Variants in FARP2 observed in about 807,000 individuals in gnomAD.
FARP2 encodes the protein FERM, ARHGEF and pleckstrin domain-containing protein 2.
A neutral mutation model predicts 130.5 loss-of-function variants in FARP2; 111 were observed. That is an observed-to-expected ratio of 0.85 (90% CI 0.73 to 1.00). FARP2 has a LOEUF of 1.00. Ranked by LOEUF, FARP2 falls within the 50% of genes least tolerant of loss-of-function variation. The probability of loss-of-function intolerance (pLI) is 0.00; values close to 1 mark genes in which losing one functional copy is unlikely to be tolerated. For synonymous variants in FARP2, 504 were observed against 516.9 expected (o/e 0.98, Z 0.34); for missense variants, 1,385 against 1,346.3 (o/e 1.03, Z -0.45).
chr2:241,411,151 G>A (rs1335226387), intron 6 of FARP2, 21 bp downstream of exon 6: 16 of 1,554,356 alleles, frequency 1.0e-5, no homozygotes, highest in South Asian at 4.5e-5. Flanking sequence ...CCCCGCCAGC[G>A]GGGAGCATTC....
intron 13 of FARP2, among the ~76,000 whole-genome samples, chr2:241,448,821 ACCAAGCCGTGGT>A (rs767368404): frequency 2.1e-4 from 32 of 152,242 alleles, no homozygotes; most frequent in Non-Finnish European, 3.7e-4. Flanking sequence ...TGTGCTGCCT[ACCAAGCCGTGGT>A]CCAAGGCTTC....
At chr2:241,439,115 C>T (rs946979105) in intron 12 of FARP2, among the ~76,000 whole-genome samples, 9 of 151,934 alleles carry the variant, frequency 5.9e-5, no homozygotes, top group East Asian at 1.9e-4. Context: ...TCCCAGGCTC[C>T]GGTGATCCTT....
chr2:241,469,307 G>A (rs976116180), intron 18 of FARP2, among the ~76,000 whole-genome samples: 3 of 152,040 alleles, frequency 2.0e-5, no homozygotes, highest in Non-Finnish European at 4.4e-5. Flanking sequence ...GGCTAGTCTC[G>A]AACTCCTGAC....
Position 241,387,160 on chromosome 2 carries a change from G to C in FARP2, c.183+13870G>C, listed in dbSNP as rs2061803755. 3 of 152,198 alleles carry C rather than the reference G, an allele frequency of 2.0e-5. No individual in the cohort carries two copies. The South Asian group carries it at 6.2e-4, about 32-fold the overall frequency. The allele number at this position is 152,198 out of a possible 1,614,324, so 9.4% of individuals were successfully genotyped here. On this transcript the variant is annotated intron_variant, in intron 2 of 26. Coordinates refer to ENST00000264042, the MANE Select transcript of FARP2 (RefSeq NM_014808.4). ...TATTCGGTCCTCTCTGTTAGAACTA[G>C]TCTTCTCTTTTATACTTGGGAAACG...
At chr2:241,460,200 C>G (rs2063977787) in intron 14 of FARP2, among the ~76,000 whole-genome samples, 4 of 152,150 alleles carry the variant, frequency 2.6e-5, no homozygotes, top group Non-Finnish European at 5.9e-5. Context: ...CTGGGGCCTC[C>G]CAGACCATAA....
chr2:241,368,378 G>A (rs2061358957), intron 1 of FARP2, among the ~76,000 whole-genome samples: 1 of 152,114 alleles, frequency 6.6e-6, no homozygotes, highest in Admixed American at 6.5e-5. Context: ...GCAGAGGTTG[G>A]CACCAGGTTC....
chr2:241,435,456 A>C (rs1045433546), intron 11 of FARP2, among the ~76,000 whole-genome samples: 1 of 151,362 alleles, frequency 6.6e-6, no homozygotes, highest in Non-Finnish European at 1.5e-5. Flanking sequence ...AAATACATGA[A>C]TGTGTATTTT....
intron 2 of FARP2, among the ~76,000 whole-genome samples, chr2:241,394,536 A>C (rs1257070896): frequency 1.3e-5 from 2 of 149,318 alleles, no homozygotes; most frequent in African/African-American, 4.9e-5. Flanking sequence ...AAAAAAAAAG[A>C]CATGTGACTG....
intron 2 of FARP2, among the ~76,000 whole-genome samples, chr2:241,403,353 T>A (rs61615527): frequency 0.19 from 28,609 of 151,938 alleles, 2,945 homozygotes; most frequent in East Asian, 0.4. Flanking sequence ...TAGCTGGGAA[T>A]ACAGGTGGGC....
At chr2:241,465,460 G>A in intron 17 of FARP2, 1 of 1,550,430 alleles carries the variant, frequency 6.4e-7, no homozygotes, top group Non-Finnish European at 8.7e-7. Context: ...TTTCTTTCAG[G>A]TGTTCCAGCT....
rs1208254472 is a variant in FARP2, at chr2:241,482,710, C to T, written c.2263-755C>T. Among the ~76,000 whole-genome samples the T allele has an allele frequency of 6.6e-6, 1 of 152,110 alleles. No individual in the cohort carries two copies. The highest frequency in any genetic ancestry group is 1.9e-4 in the East Asian group (1 of 5,188). On this transcript the variant is annotated intron_variant, in intron 19 of 26. Coordinates refer to ENST00000264042, the MANE Select transcript of FARP2 (RefSeq NM_014808.4). The surrounding 1 kb of genome is among the most constrained non-coding windows in gnomAD (Gnocchi z 4.6). ...ACGCAGTATGTTGGGACTGCTCATA[C>T]TAGGAGGCCCCTAGCACATTCTCCG...
intron 8 of FARP2, among the ~76,000 whole-genome samples, chr2:241,428,534 G>A (rs2063014245): frequency 6.6e-6 from 1 of 151,938 alleles, no homozygotes; most frequent in Admixed American, 6.6e-5. Context: ...GAACGACTTA[G>A]TGTTGGGGCA....
At chr2:241,456,980 T>C (rs1042156600) in intron 14 of FARP2, 58 bp downstream of exon 14, 168 of 1,457,166 alleles carry the variant, frequency 1.2e-4, no homozygotes, top group Non-Finnish European at 1.3e-4. Flanking sequence ...CTGTTTTCAC[T>C]GTTCCTTCGG....
At chr2:241,434,394 C>G in intron 10 of FARP2, 73 bp downstream of exon 10, 1 of 1,127,282 alleles carries the variant, frequency 8.9e-7, no homozygotes, top group South Asian at 1.9e-5. Context: ...AATTCCTAGT[C>G]AAGAAAGAAG....
chr2:241,386,832 G>C (rs1369454215), intron 2 of FARP2: 2 of 152,170 alleles, frequency 1.3e-5, no homozygotes, highest in East Asian at 3.8e-4. Context: ...TTAGTCACTG[G>C]TTTCTTTAAC....
chr2:241,360,801 TTTC>T (rs2150277489), intron 1 of FARP2, among the ~76,000 whole-genome samples: 1 of 152,310 alleles, frequency 6.6e-6, no homozygotes, highest in South Asian at 2.1e-4. Context: ...CTGTGTAATA[TTTC>T]TTCCTTTGGC....
At chr2:241,428,915 T>A (rs2063025198) in intron 8 of FARP2, among the ~76,000 whole-genome samples, 1 of 152,208 alleles carries the variant, frequency 6.6e-6, no homozygotes, top group African/African-American at 2.4e-5. Context: ...ACATGCGGTC[T>A]GTTGTGTGTA....
At chr2:241,370,218 A>C (rs1360702248) in intron 1 of FARP2, among the ~76,000 whole-genome samples, 1 of 152,222 alleles carries the variant, frequency 6.6e-6, no homozygotes, top group Non-Finnish European at 1.5e-5. Context: ...TAAATGTTTG[A>C]GGTCGAGGAT....
chr2:241,468,291 TC>T lies in FARP2; in HGVS notation c.2047del (p.Gln683SerfsTer31), dbSNP rs2064225572. ...LPLNTFLLKPIQRLLHYRLLL... is the reference protein window; with the variant it reads ...LPLNTFLLKPXQRLLHYRLLL... Reference sequence around the variant, plus strand: ...CTCAACACGTTCCTGCTGAAGCCCATCCAGCGGCTGCTGCACTACCGCCTGC... The same window carrying T: ...CTCAACACGTTCCTGCTGAAGCCCATCAGCGGCTGCTGCACTACCGCCTGC... On this transcript the variant is annotated frameshift_variant, in exon 18 of 27. Coordinates refer to ENST00000264042, the MANE Select transcript of FARP2 (RefSeq NM_014808.4). LOFTEE classifies it high-confidence loss of function. 1.2e-6 allele frequency: 2 copies of T among 1,613,802 alleles called. No individual in the cohort carries two copies. Among genetic ancestry groups the T allele is most frequent in the Non-Finnish European group, 1.7e-6 (2 of 1,180,048 alleles).
Sources: allele counts gnomAD v4.1 joint callset (sites outside exome capture counted in the v4.1 genomes callset), GRCh38; gene constraint gnomAD v4.1.1; non-coding constraint Gnocchi (gnomAD v3.1); transcripts MANE v1.5; gene names NCBI Gene and HGNC (gene_info 2026-07-23, HGNC 2026-07-21).